The following TENM2 variants were observed in gnomAD, a reference collection of about 807,000 sequenced individuals.
TENM2 encodes the protein teneurin-2.
TENM2 carries 52 observed loss-of-function variants against 245.2 expected under a neutral mutation model. The observed-to-expected ratio is 0.21, with a 90% CI of 0.17 to 0.27. The LOEUF is 0.27. Ranked by LOEUF, TENM2 falls within the 10% of genes least tolerant of loss-of-function variation. The pLI is 1.00. For missense variants in TENM2, 3,046 were observed against 3,666.8 expected (o/e 0.83, Z 4.37); for synonymous variants, 1,363 against 1,438.9 (o/e 0.95, Z 1.19).
intron 4 of TENM2, among the ~76,000 whole-genome samples, chr5:167,982,884 C>G (rs758635103): frequency 2.0e-5 from 3 of 152,160 alleles, no homozygotes; most frequent in Non-Finnish European, 4.4e-5. Flanking sequence ...TGAACACTGT[C>G]TAACTGTCTG....
the TENM2 span, among the ~76,000 whole-genome samples, chr5:166,979,477 A>T: frequency 9.7e-3 from 1,470 of 152,222 alleles, 12 homozygotes; most frequent in Non-Finnish European, 0.016. Flanking sequence ...AGGCTAAGTT[A>T]TCTATGTAGA....
chr5:167,255,096 G>A, the TENM2 span, among the ~76,000 whole-genome samples: 2 of 133,466 alleles, frequency 1.5e-5, no homozygotes, highest in African/African-American at 2.8e-5. Flanking sequence ...TTTGCTTTAT[G>A]TAGTTAAATA....
At chr5:168,066,123 G>A (rs989443302) in intron 7 of TENM2, among the ~76,000 whole-genome samples, 1 of 152,182 alleles carries the variant, frequency 6.6e-6, no homozygotes, top group Non-Finnish European at 1.5e-5. Flanking sequence ...TGCTTCGCAT[G>A]TCCCTCTTAG....
chr5:168,130,296 C>T (rs1282733005), intron 12 of TENM2: 2 of 152,256 alleles, frequency 1.3e-5, no homozygotes, highest in East Asian at 3.9e-4. Context: ...TTAGAGCTAA[C>T]TTATTGACAG....
intron 2 of TENM2, among the ~76,000 whole-genome samples, chr5:167,697,063 GT>G (rs1466161245): frequency 6.6e-6 from 1 of 152,118 alleles, no homozygotes; most frequent in Non-Finnish European, 1.5e-5. Context: ...CCCTCCTCCA[GT>G]TTCTCACACT....
chr5:167,553,362 G>T (rs1773077848), intron 2 of TENM2, among the ~76,000 whole-genome samples: 1 of 152,158 alleles, frequency 6.6e-6, no homozygotes, highest in African/African-American at 2.4e-5. Context: ...CTAAACTTTT[G>T]ATAGTACTGT....
chr5:167,673,631 A>G (rs1396393048), intron 2 of TENM2, among the ~76,000 whole-genome samples: 2 of 152,108 alleles, frequency 1.3e-5, no homozygotes, highest in Non-Finnish European at 2.9e-5. Flanking sequence ...AAGAAAATCC[A>G]AATCACTGCT....
At chr5:167,260,163 G>C in the TENM2 span, among the ~76,000 whole-genome samples, 1 of 151,946 alleles carries the variant, frequency 6.6e-6, no homozygotes, top group Non-Finnish European at 1.5e-5. Flanking sequence ...AGTTATGAGA[G>C]GCCATTATAC....
the TENM2 span, among the ~76,000 whole-genome samples, chr5:167,110,924 G>C: frequency 1.3e-5 from 2 of 152,170 alleles, no homozygotes; most frequent in African/African-American, 4.8e-5. Context: ...AAATGTGATA[G>C]GCAAATGCAT....
intron 3 of TENM2, among the ~76,000 whole-genome samples, chr5:167,939,841 G>A (rs1779033222): frequency 1.3e-5 from 2 of 152,218 alleles, no homozygotes; most frequent in African/African-American, 4.8e-5. Context: ...GGTTGAGTCA[G>A]AAGCCTTTAG....
intron 2 of TENM2, among the ~76,000 whole-genome samples, chr5:167,413,212 G>A (rs1243802616): frequency 1.3e-5 from 2 of 152,012 alleles, no homozygotes; most frequent in East Asian, 3.9e-4. Flanking sequence ...TTCTATGTGA[G>A]CATCAATCTA....
intron 2 of TENM2, among the ~76,000 whole-genome samples, chr5:167,434,477 TAGACA>T (rs1764430461): frequency 1.4e-5 from 2 of 145,856 alleles, no homozygotes; most frequent in South Asian, 2.2e-4. Flanking sequence ...ATTTTTAAAC[TAGACA>T]AGACAAAATT....
the TENM2 span, among the ~76,000 whole-genome samples, chr5:167,213,054 C>T: frequency 6.6e-6 from 1 of 152,122 alleles, no homozygotes; most frequent in Admixed American, 6.5e-5. Context: ...GTTAGCAGAC[C>T]AGATGAATTA....
At chr5:167,823,938 A>T (rs1324234772) in intron 2 of TENM2, among the ~76,000 whole-genome samples, 11 of 152,282 alleles carry the variant, frequency 7.2e-5, no homozygotes, top group Admixed American at 7.2e-4. Context: ...TCTCAGGGCT[A>T]CATCCACACT....
chr5:167,193,259 T>G, the TENM2 span, among the ~76,000 whole-genome samples: 813 of 152,212 alleles, frequency 5.3e-3, 16 homozygotes, highest in Middle Eastern at 0.065. Flanking sequence ...CGTTTGTTCT[T>G]GACACCTTGG....
the TENM2 span, among the ~76,000 whole-genome samples, chr5:167,221,321 A>G: frequency 9.2e-5 from 14 of 152,204 alleles, no homozygotes; most frequent in Non-Finnish European, 2.1e-4. Context: ...GAGAAAAGCA[A>G]TGAAATGAAT....
At chr5:167,905,448 C>A (rs1776018558) in intron 3 of TENM2, among the ~76,000 whole-genome samples, 1 of 152,124 alleles carries the variant, frequency 6.6e-6, no homozygotes, top group Non-Finnish European at 1.5e-5. Context: ...AACAGTGGCA[C>A]GCTGTCAGTA....
chr5:167,590,203 T>G (rs1367708325), intron 2 of TENM2, among the ~76,000 whole-genome samples: 1 of 152,010 alleles, frequency 6.6e-6, no homozygotes, highest in African/African-American at 2.4e-5. Context: ...TAGTGTTTTT[T>G]GTTTTTCATA....
At chr5:167,861,640 A>G (rs1215628328) in intron 2 of TENM2, among the ~76,000 whole-genome samples, 1 of 152,202 alleles carries the variant, frequency 6.6e-6, no homozygotes, top group African/African-American at 2.4e-5. Context: ...CCATTGTGTC[A>G]GCATGGAAGA....
Sources: allele counts gnomAD v4.1 joint callset (sites outside exome capture counted in the v4.1 genomes callset), GRCh38; gene constraint gnomAD v4.1.1; transcripts MANE v1.5; gene names NCBI Gene and HGNC (gene_info 2026-07-23, HGNC 2026-07-21).